The following SNX18 variants were observed in gnomAD, a reference collection of about 807,000 sequenced individuals.
The protein encoded by SNX18 is sorting nexin 18, also known as sorting nexin-18.
A neutral mutation model predicts 48.7 loss-of-function variants in SNX18; 35 were observed. The observed-to-expected ratio is 0.72, with a 90% CI of 0.55 to 0.95. The LOEUF is 0.95. Ranked by LOEUF, SNX18 falls within the 40% of genes least tolerant of loss-of-function variation. SNX18 has a pLI of 0.00. For synonymous variants in SNX18, 492 were observed against 384.7 expected (o/e 1.28, Z -3.26); for missense variants, 824 against 871.0 (o/e 0.95, Z 0.68).
At chr5:54,593,974 T>A in the SNX18 span, among the ~76,000 whole-genome samples, 1 of 152,264 alleles carries the variant, frequency 6.6e-6, no homozygotes, top group Admixed American at 6.5e-5. Context: ...GACAAACATT[T>A]CCTAGAGAGG....
chr5:54,566,461 G>A, the SNX18 span, among the ~76,000 whole-genome samples: 1 of 152,198 alleles, frequency 6.6e-6, no homozygotes, highest in African/African-American at 2.4e-5. Flanking sequence ...AGCCTGTGTG[G>A]ACAAAGTATA....
the SNX18 span, among the ~76,000 whole-genome samples, chr5:54,562,237 G>T: frequency 6.6e-6 from 1 of 152,152 alleles, no homozygotes; most frequent in Admixed American, 6.5e-5. Flanking sequence ...AGAGGGCCAT[G>T]GTAGGGGGAG....
chr5:54,599,264 C>G, the SNX18 span, among the ~76,000 whole-genome samples: 1 of 152,182 alleles, frequency 6.6e-6, no homozygotes, highest in African/African-American at 2.4e-5. Flanking sequence ...CCTAAGAATA[C>G]AGTTAACAAG....
At chr5:54,611,992 C>G in the SNX18 span, among the ~76,000 whole-genome samples, 1 of 152,050 alleles carries the variant, frequency 6.6e-6, no homozygotes, top group Admixed American at 6.6e-5. Context: ...ATCCTCCCGC[C>G]TCAGATTCCC....
At chr5:54,524,790 C>T (rs957137031) in intron 1 of SNX18, among the ~76,000 whole-genome samples, 14 of 152,184 alleles carry the variant, frequency 9.2e-5, no homozygotes, top group African/African-American at 3.4e-4. Context: ...GCCGCTCTGC[C>T]GGTGTCTGCA....
chr5:54,566,537 A>G, the SNX18 span, among the ~76,000 whole-genome samples: 30 of 152,346 alleles, frequency 2.0e-4, no homozygotes, highest in African/African-American at 5.8e-4. Flanking sequence ...TTCCCCTAAC[A>G]AAGAGACCTC....
the SNX18 span, among the ~76,000 whole-genome samples, chr5:54,576,501 AG>A: frequency 6.6e-6 from 1 of 152,194 alleles, no homozygotes; most frequent in Non-Finnish European, 1.5e-5. Flanking sequence ...GGTTGATCGC[AG>A]GGCATCTCCA....
chr5:54,608,168 C>T, the SNX18 span, among the ~76,000 whole-genome samples: 7 of 152,104 alleles, frequency 4.6e-5, no homozygotes, highest in Non-Finnish European at 1.0e-4. Flanking sequence ...TCTCTGCATC[C>T]TCATCAGCAT....
chr5:54,601,396 G>C, the SNX18 span, among the ~76,000 whole-genome samples: 26 of 152,284 alleles, frequency 1.7e-4, no homozygotes, highest in Non-Finnish European at 7.3e-5. Flanking sequence ...GAGGCCCTTT[G>C]TATCTCTACT....
Position 54,517,912 on chromosome 5 carries a change from G to C in SNX18, c.-41G>C. ...GGCCCCTCAGGTGGGCCTCGGCTCG[G>C]GACGCCGGGAGTCGGGACCGCCAGT... On this transcript the variant is annotated 5_prime_UTR_variant, in exon 1 of 2. Coordinates refer to ENST00000381410, the MANE Select transcript of SNX18 (RefSeq NM_001102575.2). 1 of 1,473,072 alleles carries C rather than the reference G, an allele frequency of 6.8e-7. No individual in the cohort carries two copies. The highest frequency in any genetic ancestry group is 8.9e-7 in the Non-Finnish European group (1 of 1,118,060). 91.3% of individuals were successfully genotyped at this position (1,473,072 alleles called of 1,614,324 possible). A position where few individuals can be genotyped will look rare whatever the true frequency, so the allele number is the denominator to read the frequency against.
At chr5:54,632,835 G>A in the SNX18 span, among the ~76,000 whole-genome samples, 610 of 152,034 alleles carry the variant, frequency 4.0e-3, 6 homozygotes, top group African/African-American at 0.014. Context: ...GTACAGTGGC[G>A]AAACCTTGCC....
the SNX18 span, among the ~76,000 whole-genome samples, chr5:54,565,984 G>A: frequency 6.6e-6 from 1 of 152,182 alleles, no homozygotes; most frequent in African/African-American, 2.4e-5. Context: ...AAGCCTGGCA[G>A]ACTGTCTTTT....
chr5:54,554,429 AG>A, the SNX18 span, among the ~76,000 whole-genome samples: 1 of 152,214 alleles, frequency 6.6e-6, no homozygotes, highest in Admixed American at 6.5e-5. Flanking sequence ...AGACATAAAC[AG>A]GGCCTAGCTC....
rs1445231175 is a variant in SNX18 at position 54,545,452 on chromosome 5, G to A, written c.*2020G>A. 7.3e-5 allele frequency: 11 copies of A among 151,460 alleles called. No individual in the cohort carries two copies. Among genetic ancestry groups the A allele is most frequent in the Non-Finnish European group, 1.2e-4 (8 of 67,892 alleles). The allele number at this position is 151,460 out of a possible 1,614,324, so 9.4% of individuals were successfully genotyped here. On this transcript the variant is annotated 3_prime_UTR_variant, in exon 2 of 2. Transcript: ENST00000381410. ...AGTAAAATCACTAAACTTGTGCAATGGTAGCATGGAAATTATCTGAGGTAT... is the reference window on the plus strand; with the variant it reads ...AGTAAAATCACTAAACTTGTGCAATAGTAGCATGGAAATTATCTGAGGTAT...
the SNX18 span, among the ~76,000 whole-genome samples, chr5:54,592,593 A>G: frequency 6.6e-6 from 1 of 152,206 alleles, no homozygotes. Context: ...CAACAATTCA[A>G]TCCGAGGACA....
chr5:54,573,386 C>T, the SNX18 span, among the ~76,000 whole-genome samples: 1 of 152,126 alleles, frequency 6.6e-6, no homozygotes, highest in Admixed American at 6.5e-5. Flanking sequence ...AGAACTCTCC[C>T]TTGAGATCTG....
chr5:54,562,852 C>T, the SNX18 span, among the ~76,000 whole-genome samples: 1 of 152,138 alleles, frequency 6.6e-6, no homozygotes, highest in Non-Finnish European at 1.5e-5. Context: ...CAGCTCCATG[C>T]GTGTCGTTGT....
the SNX18 span, among the ~76,000 whole-genome samples, chr5:54,584,136 C>T: frequency 4.6e-5 from 7 of 151,386 alleles, no homozygotes; most frequent in Admixed American, 2.0e-4. Flanking sequence ...TTGTAACCTC[C>T]GCTTCCTGGG....
chr5:54,595,790 G>A, the SNX18 span, among the ~76,000 whole-genome samples: 143,250 of 152,292 alleles, frequency 0.94, 67,571 homozygotes, highest in South Asian at 0.98. Flanking sequence ...CCAAAAGTCT[G>A]AAATAAAGAT....
Sources: allele counts gnomAD v4.1 joint callset (sites outside exome capture counted in the v4.1 genomes callset), GRCh38; gene constraint gnomAD v4.1.1; transcripts MANE v1.5; gene names NCBI Gene and HGNC (gene_info 2026-07-23, HGNC 2026-07-21).